The following ZNF516 variants were observed in gnomAD, a reference collection of about 807,000 sequenced individuals.
The protein encoded by ZNF516 is zinc finger protein 516.
ZNF516 carries 19 observed loss-of-function variants against 79.7 expected under a neutral mutation model. The ratio of observed to expected loss-of-function variants is 0.24; its 90% CI spans 0.17 to 0.35. ZNF516 has a LOEUF of 0.35. Ranked by LOEUF, ZNF516 falls within the 10% of genes least tolerant of loss-of-function variation. ZNF516 has a pLI of 1.00. For synonymous variants in ZNF516, 877 were observed against 739.5 expected, an observed-to-expected ratio of 1.19 and a Z score of -3.02; for missense variants, 1,678 against 1,679.5, an observed-to-expected ratio of 1.00 and a Z score of 0.02.
chr18:76,437,654 T>C (rs996695626), intron 3 of ZNF516, among the ~76,000 whole-genome samples: 2 of 152,130 alleles, frequency 1.3e-5, no homozygotes, highest in Non-Finnish European at 2.9e-5. Flanking sequence ...AAGTCCCTGG[T>C]GTAAATGCCT....
chr18:76,462,737 G>A (rs1913201886), intron 2 of ZNF516, among the ~76,000 whole-genome samples: 1 of 152,006 alleles, frequency 6.6e-6, no homozygotes, highest in South Asian at 2.1e-4. Context: ...CACCCCAGGA[G>A]CACCAAGTTC....
At position 76,491,695 on chromosome 18, in the gene ZNF516, T is replaced by TC. The variant is rs1177560009; in HGVS notation, c.-272+3448dup. On this transcript the variant is annotated intron_variant, in intron 1 of 6. Coordinates refer to ENST00000443185, the MANE Select transcript of ZNF516 (RefSeq NM_014643.4). ...CCCCACCCCGGGGCGGGCAGGTGAG[T>TC]CCCCCCCCGACCCGCCCCCAGCCCA... The TC allele has an allele frequency of 3.8e-3, 500 of 130,958 alleles. 1 individual carries two copies. The highest frequency in any genetic ancestry group is 0.01 in the African/African-American group (310 of 29,866). 8.1% of individuals were successfully genotyped at this position (130,958 alleles called of 1,614,324 possible).
intron 6 of ZNF516, among the ~76,000 whole-genome samples, chr18:76,363,341 G>C (rs1034643249): frequency 6.6e-6 from 1 of 152,202 alleles, no homozygotes; most frequent in Non-Finnish European, 1.5e-5. Flanking sequence ...TAAGGGACTC[G>C]TGTAAAATTC....
intron 3 of ZNF516, among the ~76,000 whole-genome samples, chr18:76,418,417 A>G (rs2145356487): frequency 6.6e-6 from 1 of 152,298 alleles, no homozygotes; most frequent in East Asian, 1.9e-4. Flanking sequence ...ATACACGGTA[A>G]CATGCTGTCA....
intron 2 of ZNF516, among the ~76,000 whole-genome samples, chr18:76,462,385 A>C (rs1261585185): frequency 6.6e-6 from 1 of 152,258 alleles, no homozygotes; most frequent in Non-Finnish European, 1.5e-5. Context: ...ACAGTCCAAC[A>C]CAGGCACTCC....
intron 2 of ZNF516, among the ~76,000 whole-genome samples, chr18:76,444,978 A>G (rs1911953393): frequency 1.3e-5 from 2 of 152,202 alleles, no homozygotes; most frequent in Admixed American, 1.3e-4. Context: ...CAGCAAATGA[A>G]AAGCAGCAAC....
At chr18:76,486,878 G>A (rs1257165146) in intron 1 of ZNF516, among the ~76,000 whole-genome samples, 3 of 152,110 alleles carry the variant, frequency 2.0e-5, no homozygotes, top group Admixed American at 6.5e-5. Flanking sequence ...GGTTCGGGGG[G>A]AAGGTACAGA....
chr18:76,435,563 A>G (rs1176188810), intron 3 of ZNF516, among the ~76,000 whole-genome samples: 1 of 152,246 alleles, frequency 6.6e-6, no homozygotes, highest in Non-Finnish European at 1.5e-5. Flanking sequence ...GATGCTGACT[A>G]CATCACAAGG....
At chr18:76,448,807 C>T (rs1009800027) in intron 2 of ZNF516, among the ~76,000 whole-genome samples, 4 of 152,130 alleles carry the variant, frequency 2.6e-5, no homozygotes, top group Admixed American at 6.5e-5. Context: ...AAAAAGCACC[C>T]GGCTTCAAGG....
upstream of ZNF516, among the ~76,000 whole-genome samples, chr18:76,496,080 A>G (rs572337518): frequency 6.6e-6 from 1 of 151,352 alleles, no homozygotes; most frequent in East Asian, 2.0e-4. Context: ...TGAGTCTGGG[A>G]CTAGAAATCC....
chr18:76,447,640 T>C (rs1912138494), intron 2 of ZNF516, among the ~76,000 whole-genome samples: 1 of 152,210 alleles, frequency 6.6e-6, no homozygotes, highest in Non-Finnish European at 1.5e-5. Flanking sequence ...GGGTACAGCA[T>C]GTGTCCAGCT....
rs577567339 is a variant in ZNF516, at chr18:76,493,207, C to T, written c.-272+1937G>A. 6.2e-6 allele frequency: 6 copies of T among 974,712 alleles called. No homozygotes were observed. The highest frequency in any genetic ancestry group is 5.3e-5 in the African/African-American group (3 of 56,846). 60.4% of individuals were successfully genotyped at this position (974,712 alleles called of 1,614,324 possible). On this transcript the variant is annotated intron_variant, in intron 1 of 6. Transcript: ENST00000443185. This position sits in a 1 kb window ranked among gnomAD's most constrained non-coding sequence, Gnocchi z 5.2. Reference sequence around the variant, plus strand: ...AGTTTGCCTTCTTTAAGGAGGGAGGCGTCAGACGATATCCATTTAAATATA... The same window carrying T: ...AGTTTGCCTTCTTTAAGGAGGGAGGTGTCAGACGATATCCATTTAAATATA...
chr18:76,491,622 C>A, intron 1 of ZNF516: 1 of 639,860 alleles, frequency 1.6e-6, no homozygotes, highest in Non-Finnish European at 1.9e-6. Flanking sequence ...CCCTTCCCGC[C>A]CCGCCCACGG....
At chr18:76,411,592 G>A (rs967771397) in intron 3 of ZNF516, among the ~76,000 whole-genome samples, 162 of 152,242 alleles carry the variant, frequency 1.1e-3, no homozygotes, top group African/African-American at 3.7e-3. Flanking sequence ...TACAAAATAC[G>A]CCAAAAGCAT....
At chr18:76,384,614 C>G (rs1218516334) in intron 3 of ZNF516, among the ~76,000 whole-genome samples, 1 of 149,488 alleles carries the variant, frequency 6.7e-6, no homozygotes, top group Non-Finnish European at 1.5e-5. Flanking sequence ...CCCACCCCCC[C>G]TACAGTTGGG....
At chr18:76,373,021 A>T (rs1404342510) in intron 4 of ZNF516, 1 of 152,410 alleles carries the variant, frequency 6.6e-6, no homozygotes, top group East Asian at 1.9e-4. Context: ...CGAGTGATGC[A>T]TGCCTATGCT....
chr18:76,468,152 C>T (rs1330676808), intron 1 of ZNF516, among the ~76,000 whole-genome samples: 4 of 152,176 alleles, frequency 2.6e-5, no homozygotes, highest in Admixed American at 2.0e-4. Context: ...AGAACTTCTG[C>T]TCTCTATGTA....
chr18:76,496,048 G>A (rs931582703), upstream of ZNF516, among the ~76,000 whole-genome samples: 1 of 151,960 alleles, frequency 6.6e-6, no homozygotes, highest in Non-Finnish European at 1.5e-5. Context: ...CTCCCCACGA[G>A]CAGTAGTTAG....
chr18:76,468,200 G>C (rs1913607101), intron 1 of ZNF516, among the ~76,000 whole-genome samples: 1 of 152,172 alleles, frequency 6.6e-6, no homozygotes, highest in African/African-American at 2.4e-5. Context: ...TGAAATTAGA[G>C]ATATCAAAAT....
Sources: gnomAD v4.1 joint callset for allele counts (sites outside exome capture counted in the v4.1 genomes callset) on GRCh38, gnomAD v4.1.1 for gene constraint, Gnocchi (gnomAD v3.1) non-coding constraint, MANE v1.5 for transcripts, NCBI Gene and HGNC (gene_info 2026-07-23, HGNC 2026-07-21) for gene names.